Variants in MGST1 observed in about 807,000 individuals in gnomAD.
MGST1 encodes glutathione S-transferase 12.
Under a neutral mutation model 8.9 loss-of-function variants are expected in MGST1, and 5 were observed. That is an observed-to-expected ratio of 0.56 (90% CI 0.29 to 1.19). MGST1 has a LOEUF of 1.19. MGST1 is among the 50% of genes most tolerant of loss of function. MGST1 has a pLI of 0.08. For synonymous variants in MGST1, 54 were observed against 67.8 expected, an observed-to-expected ratio of 0.80 and a Z score of 1.00; for missense variants, 182 against 187.4, an observed-to-expected ratio of 0.97 and a Z score of 0.17.
chr12:16,513,746 A>G lies in MGST1; in HGVS notation n.483-75782A>G. ...TTGGGCGAGAATAGCGAAGTCTCGA[A>G]AAGTGGCCGGTTTGTCACTGTGCAG... On this transcript the variant is annotated intron_variant and non_coding_transcript_variant, in intron 4 of 4. Transcript: ENST00000538857. The surrounding 1 kb of genome is among the most constrained non-coding windows in gnomAD (Gnocchi z 4.2). 1.7e-6 allele frequency: 1 copy of G among 576,326 alleles called. No individual in the cohort carries two copies. Among genetic ancestry groups the G allele is most frequent in the Non-Finnish European group, 3.5e-6 (1 of 288,238 alleles). The allele number at this position is 576,326 out of a possible 1,614,324, so 35.7% of individuals were successfully genotyped here. A position where few individuals can be genotyped will look rare whatever the true frequency, so the allele number is the denominator to read the frequency against.
Position 16,497,616 on chromosome 12 carries a change from GAA to G in MGST1, n.483-91909_483-91908del, listed in dbSNP as rs1213275869. Reference sequence around the variant, plus strand: ...TTTCTGATTGTTTTCTGAATTTATAGAAAAGGGAGTTTTAACTAGGTCGTGGG... The same window carrying G: ...TTTCTGATTGTTTTCTGAATTTATAGAAGGGAGTTTTAACTAGGTCGTGGG... On this transcript the variant is annotated intron_variant and non_coding_transcript_variant, in intron 4 of 4. Coordinates refer to the MGST1 transcript ENST00000538857. The surrounding 1 kb of genome is among the most constrained non-coding windows in gnomAD (Gnocchi z 4.4). 1.3e-5 allele frequency among the ~76,000 whole-genome samples: 2 copies of G among 152,126 alleles called. No individual in the cohort carries two copies. Among genetic ancestry groups the G allele is most frequent in the Non-Finnish European group, 2.9e-5 (2 of 67,994 alleles).
chr12:16,443,665 A>G (rs1471883116), downstream of MGST1, among the ~76,000 whole-genome samples: 2 of 151,880 alleles, frequency 1.3e-5, no homozygotes, highest in Non-Finnish European at 2.9e-5. Flanking sequence ...CTATTATTTC[A>G]TGCATTTAAT....
chr12:16,418,918 G>A (rs1159378234), intron 1 of MGST1, among the ~76,000 whole-genome samples: 2 of 152,096 alleles, frequency 1.3e-5, no homozygotes, highest in African/African-American at 2.4e-5. Flanking sequence ...TGATCAATTT[G>A]GAGAACTCAT....
At position 16,519,839 on chromosome 12, in the gene MGST1, C is replaced by G. The variant is rs985284343; in HGVS notation, n.483-69689C>G. Among the ~76,000 whole-genome samples, 6 of 152,088 alleles carry G rather than the reference C, an allele frequency of 3.9e-5. No individual in the cohort carries two copies. In the South Asian group the frequency reaches 1.0e-3, roughly 26 times the overall value. On this transcript the variant is annotated intron_variant and non_coding_transcript_variant, in intron 4 of 4. Transcript: ENST00000538857. Reference sequence around the variant, plus strand: ...ATTGGTCTTATTCAAGTTTTATGATCAAAACCATGCCATCATTCTCTAAGC... The same window carrying G: ...ATTGGTCTTATTCAAGTTTTATGATGAAAACCATGCCATCATTCTCTAAGC...
At position 16,395,800 on chromosome 12, in the gene MGST1, TATATACAC is replaced by T. The variant is rs1277316094; in HGVS notation, n.778+12198_778+12205del. Among the ~76,000 whole-genome samples the T allele has an allele frequency of 6.4e-4, 86 of 135,360 alleles. 1 individual carries two copies. The highest frequency in any genetic ancestry group is 2.5e-3 in the Admixed American group (33 of 13,116). 88.8% of individuals were successfully genotyped at this position (135,360 alleles called of 152,430 possible). ...TCCATCATATATATATATATATATA[TATATACAC>T]ACACACACACACACACACCACAATT... On this transcript the variant is annotated intron_variant and non_coding_transcript_variant, in intron 1 of 1. Coordinates refer to the MGST1 transcript ENST00000359720.
At chr12:16,368,659 C>G (rs1204913566), downstream of MGST1, among the ~76,000 whole-genome samples, 2 of 152,148 alleles carry the variant, frequency 1.3e-5, no homozygotes, top group African/African-American at 4.8e-5. Flanking sequence ...TGGCACCAAT[C>G]TCTCATACTT....
intron 1 of MGST1, chr12:16,402,254 G>C: frequency 6.3e-7 from 1 of 1,588,442 alleles, no homozygotes; most frequent in Non-Finnish European, 8.6e-7. Flanking sequence ...CATAACCAAA[G>C]AGCCATGTCT....
intron 4 of MGST1, among the ~76,000 whole-genome samples, chr12:16,481,669 C>T (rs545831583): frequency 2.2e-4 from 34 of 151,974 alleles, no homozygotes; most frequent in East Asian, 1.4e-3. Context: ...ATAATCTAGA[C>T]GGTAGATCTA....
chr12:16,562,913 C>A (rs1002954611), intron 4 of MGST1, among the ~76,000 whole-genome samples: 2 of 152,202 alleles, frequency 1.3e-5, no homozygotes, highest in African/African-American at 2.4e-5. Flanking sequence ...TTATAGCCTT[C>A]CAATTTGTTG....
At chr12:16,384,529 G>A (rs1421125152) in intron 1 of MGST1, among the ~76,000 whole-genome samples, 1 of 152,134 alleles carries the variant, frequency 6.6e-6, no homozygotes, top group Non-Finnish European at 1.5e-5. Context: ...AGGAACAGAC[G>A]CCCTGGAGAA....
chr12:16,433,750 A>G (rs1940959585), intron 1 of MGST1, among the ~76,000 whole-genome samples: 1 of 152,056 alleles, frequency 6.6e-6, no homozygotes, highest in Non-Finnish European at 1.5e-5. Flanking sequence ...AAAATTAACC[A>G]TCACACACAT....
intron 4 of MGST1, among the ~76,000 whole-genome samples, chr12:16,463,554 A>G (rs1005169157): frequency 2.0e-5 from 3 of 152,048 alleles, no homozygotes; most frequent in Non-Finnish European, 4.4e-5. Context: ...TCTGCAGCAA[A>G]CCTGCACATC....
In MGST1 at chr12:16,357,634, A is replaced by G. The variant is rs1393249343; in HGVS notation, c.156A>G (p.Ala52=). ...KVFANPEDCV[A]FGKGENAKKY... ...TTGCCAATCCAGAAGACTGTGTAGC[A>G]TTTGGCAAAGGAGAAAATGCCAAGA... Residue 52 remains alanine, a synonymous_variant, in exon 3 of 4, where the codon GCA becomes GCG. Transcript: ENST00000396210. The G allele has an allele frequency of 6.2e-7, 1 of 1,613,968 alleles. No homozygotes were observed. Among genetic ancestry groups the G allele is most frequent in the Non-Finnish European group, 8.5e-7 (1 of 1,179,956 alleles).
At chr12:16,581,730 T>C (rs115179617) in intron 4 of MGST1, among the ~76,000 whole-genome samples, 4,010 of 152,216 alleles carry the variant, frequency 0.026, 183 homozygotes, top group African/African-American at 0.091. Flanking sequence ...GGACTTTTTT[T>C]TCAGCAGAGT....
intron 1 of MGST1, among the ~76,000 whole-genome samples, chr12:16,394,396 C>T (rs1413252799): frequency 4.0e-5 from 6 of 150,112 alleles, no homozygotes; most frequent in Admixed American, 4.0e-4. Context: ...TTCTTTCTCT[C>T]TCTTTCTTTC....
chr12:16,531,824 T>C (rs369642436), intron 4 of MGST1, among the ~76,000 whole-genome samples: 70 of 152,200 alleles, frequency 4.6e-4, no homozygotes, highest in African/African-American at 1.5e-3. Flanking sequence ...CCTGGGCTAA[T>C]TGAAATGAGC....
intron 1 of MGST1, among the ~76,000 whole-genome samples, chr12:16,417,074 G>A (rs1940793282): frequency 6.6e-6 from 1 of 152,036 alleles, no homozygotes; most frequent in Non-Finnish European, 1.5e-5. Flanking sequence ...TTTGTTCTAG[G>A]TTCTCTACTG....
intron 1 of MGST1, among the ~76,000 whole-genome samples, chr12:16,398,972 C>T (rs910045291): frequency 1.3e-4 from 20 of 152,060 alleles, no homozygotes; most frequent in South Asian, 4.2e-4. Context: ...CAGAAGCCAT[C>T]GATGTCCTGG....
chr12:16,566,931 T>C (rs1231220078), intron 4 of MGST1, among the ~76,000 whole-genome samples: 1 of 152,152 alleles, frequency 6.6e-6, no homozygotes, highest in Non-Finnish European at 1.5e-5. Context: ...CAAAAGCCCA[T>C]GCTACATAGT....
Sources: gnomAD v4.1 joint callset for allele counts (sites outside exome capture counted in the v4.1 genomes callset) on GRCh38, gnomAD v4.1.1 for gene constraint, Gnocchi (gnomAD v3.1) non-coding constraint, MANE v1.5 for transcripts, NCBI Gene and HGNC (gene_info 2026-07-23, HGNC 2026-07-21) for gene names.